CCDC12: variants seen among roughly 807,000 people sequenced by gnomAD.
CCDC12 encodes the protein coiled-coil domain containing 12, also known as coiled-coil domain-containing protein 12.
In CCDC12, 28 loss-of-function variants were observed where a neutral mutation model predicts 25.7. The observed-to-expected ratio is 1.09, with a 90% CI of 0.81 to 1.50. The LOEUF (loss-of-function observed/expected upper bound fraction) is 1.50, where lower values mean the gene tolerates loss of function less well. CCDC12 is among the 40% of genes most tolerant of loss of function. The pLI, the probability that CCDC12 is intolerant of heterozygous loss-of-function variation, is 0.00. For missense variants in CCDC12, 198 were observed against 210.0 expected, an observed-to-expected ratio of 0.94 and a Z score of 0.35; for synonymous variants, 75 against 87.7, an observed-to-expected ratio of 0.86 and a Z score of 0.81.
rs113627328 is a variant in CCDC12, at chr3:46,957,996, C to CACACACACACACACACACAT, written c.97-16932_97-16931insATGTGTGTGTGTGTGTGTGT. Among the ~76,000 whole-genome samples the CACACACACACACACACACAT allele has an allele frequency of 2.1e-3, 304 of 142,666 alleles. 8 individuals carry two copies. The highest frequency in any genetic ancestry group is 6.3e-3 in the East Asian group (30 of 4,782). The allele number at this position is 142,666 out of a possible 152,430, so 93.6% of individuals were successfully genotyped here. ...ACACACACACACACACACACACACA[C>CACACACACACACACACACAT]ATATATATGTAAAGCTAATAGAACC... On this transcript the variant is annotated intron_variant, in intron 1 of 6. Coordinates refer to ENST00000683445, the MANE Select transcript of CCDC12 (RefSeq NM_001277074.2).
At chr3:46,973,584 G>A (rs2034872073) in intron 1 of CCDC12, among the ~76,000 whole-genome samples, 2 of 149,572 alleles carry the variant, frequency 1.3e-5, no homozygotes, top group African/African-American at 4.9e-5. Context: ...TACTCAAACA[G>A]GTATCTGTAC....
chr3:46,964,112 C>T (rs564339329), intron 1 of CCDC12, among the ~76,000 whole-genome samples: 5 of 151,932 alleles, frequency 3.3e-5, no homozygotes, highest in African/African-American at 9.6e-5. Flanking sequence ...GCTGCGACCC[C>T]GTCTGGGAGG....
At chr3:46,964,254 G>C (rs1191254141) in intron 1 of CCDC12, among the ~76,000 whole-genome samples, 2 of 151,116 alleles carry the variant, frequency 1.3e-5, no homozygotes, top group East Asian at 3.9e-4. Flanking sequence ...GAGCCCCTCC[G>C]CCCGGCAGCC....
intron 1 of CCDC12, among the ~76,000 whole-genome samples, chr3:46,955,294 C>A (rs1460871274): frequency 6.6e-6 from 1 of 152,162 alleles, no homozygotes; most frequent in Non-Finnish European, 1.5e-5. Context: ...TGAATGTTTA[C>A]GGAGTCTCTG....
intron 2 of CCDC12, 131 bp from the exon 3 acceptor site, chr3:46,925,666 G>T: frequency 1.3e-6 from 1 of 799,938 alleles, no homozygotes. Context: ...GCCTGGTAAG[G>T]AGGAGAAGCA....
chr3:46,930,031 CAAAAAA>C (rs145507739), intron 2 of CCDC12, among the ~76,000 whole-genome samples: 7 of 39,900 alleles, frequency 1.8e-4, no homozygotes, highest in African/African-American at 5.2e-4. Flanking sequence ...GACCCCATCT[CAAAAAA>C]AAAAAAAAAA....
At chr3:46,937,616 G>A (rs996142519) in intron 2 of CCDC12, among the ~76,000 whole-genome samples, 36 of 152,196 alleles carry the variant, frequency 2.4e-4, no homozygotes, top group Admixed American at 9.8e-4. Flanking sequence ...ATGGCCTAGG[G>A]GGTTCTCTGG....
intron 2 of CCDC12, among the ~76,000 whole-genome samples, chr3:46,929,826 A>G (rs544284833): frequency 1.3e-3 from 204 of 151,974 alleles, no homozygotes; most frequent in African/African-American, 4.6e-3. Flanking sequence ...CAGGAGTTCA[A>G]GAACAGTCTG....
chr3:46,975,784 G>A (rs1469366453), intron 1 of CCDC12, among the ~76,000 whole-genome samples: 1 of 149,388 alleles, frequency 6.7e-6, no homozygotes, highest in Non-Finnish European at 1.5e-5. Context: ...GCCCACCTCG[G>A]CCTCCCAAAG....
At chr3:46,943,767 G>C (rs2033804315) in intron 1 of CCDC12, among the ~76,000 whole-genome samples, 1 of 152,198 alleles carries the variant, frequency 6.6e-6, no homozygotes, top group South Asian at 2.1e-4. Context: ...TCTGGTGGGT[G>C]GGGGGCAGCA....
At chr3:46,977,736 CAA>C (rs1212739138), upstream of CCDC12, among the ~76,000 whole-genome samples, 2 of 152,188 alleles carry the variant, frequency 1.3e-5, no homozygotes, top group Non-Finnish European at 2.9e-5. Flanking sequence ...TCCTCAGGGT[CAA>C]GTTACCTTTC....
intron 2 of CCDC12, among the ~76,000 whole-genome samples, chr3:46,935,969 G>A (rs981011376): frequency 6.6e-6 from 1 of 152,190 alleles, no homozygotes; most frequent in African/African-American, 2.4e-5. Flanking sequence ...AAAGGCAAAG[G>A]AACTGTTAGA....
chr3:46,941,305 G>A (rs560968437), intron 1 of CCDC12, among the ~76,000 whole-genome samples: 1 of 152,326 alleles, frequency 6.6e-6, no homozygotes, highest in African/African-American at 2.4e-5. Flanking sequence ...GCTCATGCCT[G>A]TAATCCCAGC....
At chr3:46,973,652 C>T (rs1433608586) in intron 1 of CCDC12, among the ~76,000 whole-genome samples, 4 of 141,528 alleles carry the variant, frequency 2.8e-5, no homozygotes, top group Non-Finnish European at 6.1e-5. Context: ...CTCACTCTGT[C>T]GCCCAGGCTG....
chr3:46,923,569 A>G, intron 4 of CCDC12, 38 bp downstream of exon 4: 2 of 1,592,664 alleles, frequency 1.3e-6, no homozygotes, highest in Non-Finnish European at 1.7e-6. Context: ...CAGGACACAC[A>G]GAAGCAGCGA....
upstream of CCDC12, chr3:46,979,880 C>T: frequency 2.1e-6 from 1 of 470,848 alleles, no homozygotes; most frequent in Admixed American, 3.3e-5. Flanking sequence ...CTCGGAGCGG[C>T]TGTACGAGTT....
At chr3:46,951,039 T>C (rs945103471) in intron 1 of CCDC12, among the ~76,000 whole-genome samples, 3 of 151,656 alleles carry the variant, frequency 2.0e-5, no homozygotes, top group African/African-American at 7.3e-5. Flanking sequence ...GAGGCTGAGG[T>C]GGGAGGATCA....
At chr3:46,972,639 G>A (rs771817140) in intron 1 of CCDC12, among the ~76,000 whole-genome samples, 1 of 151,722 alleles carries the variant, frequency 6.6e-6, no homozygotes, top group Admixed American at 6.6e-5. Flanking sequence ...TTAAAAAAAC[G>A]AAAAAAGAAG....
Position 46,948,364 on chromosome 3 carries a change from C to A in CCDC12, c.97-7299G>T, listed in dbSNP as rs1367252993. Among the ~76,000 whole-genome samples, 7 of 152,240 alleles carry A rather than the reference C, an allele frequency of 4.6e-5. No homozygotes were observed. The East Asian group carries it at 1.2e-3, about 25-fold the overall frequency. On this transcript the variant is annotated intron_variant, in intron 1 of 6. Coordinates refer to ENST00000683445, the MANE Select transcript of CCDC12 (RefSeq NM_001277074.2). ...GCTGAGCGGGAGGCTGGGAGAACAGCGAGGCTAGAGATAAGGACTGGAGAT... is the reference window on the plus strand; with the variant it reads ...GCTGAGCGGGAGGCTGGGAGAACAGAGAGGCTAGAGATAAGGACTGGAGAT...
Sources: allele counts gnomAD v4.1 joint callset (sites outside exome capture counted in the v4.1 genomes callset), GRCh38; gene constraint gnomAD v4.1.1; transcripts MANE v1.5; gene names NCBI Gene and HGNC (gene_info 2026-07-23, HGNC 2026-07-21).